ZNF547: variants seen among roughly 807,000 people sequenced by gnomAD.
ZNF547 encodes zinc finger protein 547.
Under a neutral mutation model 7.7 loss-of-function variants are expected in ZNF547, and 4 were observed. That is an observed-to-expected ratio of 0.52 (90% CI 0.26 to 1.20). The LOEUF is 1.20. Among genes scored for constraint, ZNF547 ranks in the 50% most tolerant of loss-of-function variants. The pLI is 0.14. For missense variants in ZNF547, 449 were observed against 485.8 expected (o/e 0.92, Z 0.71); for synonymous variants, 166 against 166.2 (o/e 1.00, Z 0.01).
At chr19:57,377,053 G>T in intron 3 of ZNF547, 75 bp from the exon 4 acceptor site, 1 of 1,430,108 alleles carries the variant, frequency 7.0e-7, no homozygotes, top group South Asian at 1.3e-5. Flanking sequence ...TGGGGTGTCT[G>T]ACTGACATTT....
intron 2 of ZNF547, among the ~76,000 whole-genome samples, chr19:57,371,266 A>C (rs532648196): frequency 6.6e-6 from 1 of 152,252 alleles, no homozygotes; most frequent in African/African-American, 2.4e-5. Flanking sequence ...TGGAGTTTTA[A>C]TTTATGGATG....
chr19:57,378,195 G>A lies in ZNF547; in HGVS notation c.*10G>A. 6.3e-7 allele frequency: 1 copy of A among 1,594,526 alleles called. No individual in the cohort carries two copies. Among genetic ancestry groups the A allele is most frequent in the Non-Finnish European group, 8.6e-7 (1 of 1,167,972 alleles). On this transcript the variant is annotated 3_prime_UTR_variant, in exon 4 of 4. Coordinates refer to ENST00000282282, the MANE Select transcript of ZNF547 (RefSeq NM_173631.4). ...AGTCCACACTGGATAAGGCCCTTAT[G>A]AATGCAGTGGATATGGGAAAGCCTT...
At chr19:57,369,816 A>T (rs908545571) in intron 2 of ZNF547, among the ~76,000 whole-genome samples, 1 of 146,956 alleles carries the variant, frequency 6.8e-6, no homozygotes, top group Non-Finnish European at 1.5e-5. Flanking sequence ...TGGGAATTCT[A>T]TTAGTCTGTT....
At position 57,377,330 on chromosome 19, in the gene ZNF547, A is replaced by G; in HGVS notation, c.354A>G (p.Pro118=). ...THPEQGLYTC[P]AHLHQHQKEQ... is the part of the protein sequence containing the mutation. ...CCGAGCAGGGACTGTACACGTGTCC[A>G]GCACATCTTCACCAGCACCAAAAGG... Residue 118 remains proline (P), a synonymous_variant, in exon 4 of 4, where the codon CCA becomes CCG. Coordinates refer to ENST00000282282, the MANE Select transcript of ZNF547 (RefSeq NM_173631.4). The G allele has an allele frequency of 6.2e-7, 1 of 1,614,248 alleles. No individual in the cohort carries two copies. Among genetic ancestry groups the G allele is most frequent in the Non-Finnish European group, 8.5e-7 (1 of 1,180,044 alleles).
rs190750966 is a variant in ZNF547 at position 57,374,783 on chromosome 19, C to T, written c.152-2345C>T. 2.7e-3 allele frequency among the ~76,000 whole-genome samples: 407 copies of T among 152,250 alleles called. 1 individual carries two copies. The highest frequency in any genetic ancestry group is 9.4e-3 in the African/African-American group (392 of 41,548). On this transcript the variant is annotated intron_variant, in intron 3 of 3. Transcript: ENST00000282282. ...GCAAGAGTCACCTTTACTCCAGTCC[C>T]CAACAAGTTCCTCATCTCCATCTAA...
intron 1 of ZNF547, among the ~76,000 whole-genome samples, chr19:57,366,106 G>A (rs1008819634): frequency 1.5e-4 from 23 of 151,512 alleles, no homozygotes; most frequent in South Asian, 6.3e-4. Context: ...CTCGTGATCC[G>A]CTCGCCTCGG....
chr19:57,374,854 T>C (rs1166033399), intron 3 of ZNF547, among the ~76,000 whole-genome samples: 1 of 152,178 alleles, frequency 6.6e-6, no homozygotes, highest in Non-Finnish European at 1.5e-5. Flanking sequence ...TAAATCAGCA[T>C]TTTGATCAAA....
Position 57,377,530 on chromosome 19 carries a change from A to C in ZNF547, c.554A>C (p.Lys185Thr). The C allele has an allele frequency of 6.2e-7, 1 of 1,614,214 alleles. No homozygotes were observed. Among genetic ancestry groups the C allele is most frequent in the Non-Finnish European group, 8.5e-7 (1 of 1,180,036 alleles). The change falls in exon 4 of 4, where the codon AAG becomes ACG. Residue 185 changes from lysine (K) to threonine (T), a missense_variant. Coordinates refer to ENST00000282282, the MANE Select transcript of ZNF547 (RefSeq NM_173631.4). ...QKIHTGERTY[K>T]CSKCGILFME... Reference sequence around the variant, plus strand: ...ATCCACACTGGAGAAAGAACTTATAAGTGCAGCAAATGTGGGATATTGTTT... The same window carrying C: ...ATCCACACTGGAGAAAGAACTTATACGTGCAGCAAATGTGGGATATTGTTT...
chr19:57,371,957 C>G, intron 3 of ZNF547, 49 bp downstream of exon 3: 2 of 1,512,492 alleles, frequency 1.3e-6, no homozygotes, highest in African/African-American at 1.4e-5. Context: ...TGTGTTGTCT[C>G]CTTTTACCTG....
At chr19:57,365,182 C>T (rs1183093719) in intron 1 of ZNF547, 9 of 1,592,758 alleles carry the variant, frequency 5.7e-6, no homozygotes, top group Non-Finnish European at 7.7e-6. Context: ...ATTTTATGAA[C>T]CCAATTCTCC....
At chr19:57,364,440 T>TCTCGGTGG in intron 1 of ZNF547, 7 of 282,522 alleles carry the variant, frequency 2.5e-5, no homozygotes, top group East Asian at 8.7e-5. Flanking sequence ...CTGGTGTAGA[T>TCTCGGTGG]TCTTCAAAAG....
intron 1 of ZNF547, chr19:57,364,679 T>C (rs553901944): frequency 2.9e-5 from 19 of 657,576 alleles, no homozygotes; most frequent in Non-Finnish European, 4.7e-5. Flanking sequence ...AGGTGGAGAT[T>C]GCAGTGAGCC....
chr19:57,377,316 C>A lies in ZNF547; in HGVS notation c.340C>A (p.Leu114Met). The change falls in exon 4 of 4, where the codon CTG becomes ATG. Residue 114 changes from leucine (L) to methionine (M), a missense_variant. Coordinates refer to ENST00000282282, the MANE Select transcript of ZNF547 (RefSeq NM_173631.4). ...EHDGTHPEQGLYTCPAHLHQH... is the reference protein window; with the variant it reads ...EHDGTHPEQGMYTCPAHLHQH... The stretch of plus-strand genomic sequence containing the variant: ...TGACGGAACACACCCCGAGCAGGGA[C>A]TGTACACGTGTCCAGCACATCTTCA... 6.2e-7 allele frequency: 1 copy of A among 1,614,204 alleles called. No individual in the cohort carries two copies.
At position 57,377,695 on chromosome 19, in the gene ZNF547, A is replaced by G; in HGVS notation, c.719A>G (p.Tyr240Cys). 3 of 1,612,626 alleles carry G rather than the reference A, an allele frequency of 1.9e-6. No homozygotes were observed. Among genetic ancestry groups the G allele is most frequent in the South Asian group, 2.2e-5 (2 of 91,052 alleles). The change falls in exon 4 of 4, where the codon TAT (tyrosine) becomes TGT (cysteine). Residue 240 changes from tyrosine (Y) to cysteine (C), a missense_variant. Coordinates refer to ENST00000282282, the MANE Select transcript of ZNF547 (RefSeq NM_173631.4). Reference protein sequence around the residue: ...HQTIHSGERPYECSECGKLFM... With the variant: ...HQTIHSGERPCECSECGKLFM... ...ACAATCCACTCTGGAGAAAGGCCTT[A>G]TGAGTGCAGTGAATGTGGGAAATTG... is the stretch of plus-strand genomic sequence containing the variant.
chr19:57,375,871 C>T (rs925328305), intron 3 of ZNF547, among the ~76,000 whole-genome samples: 20 of 151,662 alleles, frequency 1.3e-4, no homozygotes, highest in African/African-American at 4.6e-4. Flanking sequence ...GCTTATAAAA[C>T]CATTAGATTG....
Position 57,377,856 on chromosome 19 carries a change from A to C in ZNF547, c.880A>C (p.Arg294=). The change falls in exon 4 of 4, where the codon AGG becomes CGG. Residue 294 remains arginine, a synonymous_variant. Coordinates refer to ENST00000282282, the MANE Select transcript of ZNF547 (RefSeq NM_173631.4). ...GCATTACAGAATTCATACAGGAAAA[A>C]GGTCTTATGGTTGCAGTGAATGTGG... ...FRHYRIHTGK[R]SYGCSECGKF... is the part of the protein sequence containing the mutation. 1.2e-6 allele frequency: 2 copies of C among 1,614,058 alleles called. No homozygotes were observed. The highest frequency in any genetic ancestry group is 1.7e-6 in the Non-Finnish European group (2 of 1,179,984).
At chr19:57,376,918 CAACTT>C (rs2088539300) in intron 3 of ZNF547, among the ~76,000 whole-genome samples, 1 of 152,132 alleles carries the variant, frequency 6.6e-6, no homozygotes, top group Non-Finnish European at 1.5e-5. Flanking sequence ...AGCTTTTAAT[CAACTT>C]AACCACTCAG....
chr19:57,365,132 C>G, intron 1 of ZNF547: 2 of 1,605,422 alleles, frequency 1.2e-6, no homozygotes, highest in Non-Finnish European at 1.7e-6. Flanking sequence ...AACTTCTTTA[C>G]TGATGTTTAT....
chr19:57,363,571 C>G lies in ZNF547; in HGVS notation c.-145C>G, dbSNP rs2088436370. The G allele has an allele frequency of 6.5e-6, 1 of 152,774 alleles. No homozygotes were observed. The highest frequency in any genetic ancestry group is 1.5e-5 in the Non-Finnish European group (1 of 68,106). The allele number at this position is 152,774 out of a possible 1,614,324, so 9.5% of individuals were successfully genotyped here. ...TCCTTGTACGCAGAGGCGGTAGTGA[C>G]ACAGGCACAACTGACAGTGGCAGAA... On this transcript the variant is annotated 5_prime_UTR_variant, in exon 1 of 4. Transcript: ENST00000282282.
Sources: allele counts gnomAD v4.1 joint callset (sites outside exome capture counted in the v4.1 genomes callset), GRCh38; gene constraint gnomAD v4.1.1; transcripts MANE v1.5; gene names NCBI Gene and HGNC (gene_info 2026-07-23, HGNC 2026-07-21).